The following SLC6A6 variants were observed in gnomAD, a reference collection of about 807,000 sequenced individuals.
SLC6A6 encodes sodium- and chloride-dependent taurine transporter.
A neutral mutation model predicts 68.8 loss-of-function variants in SLC6A6; 16 were observed. The observed-to-expected ratio is 0.23, with a 90% CI of 0.16 to 0.35. The LOEUF (loss-of-function observed/expected upper bound fraction) is 0.35. SLC6A6 is among the 10% of genes least tolerant of loss of function. The pLI is 1.00. For synonymous variants in SLC6A6, 312 were observed against 315.4 expected, an observed-to-expected ratio of 0.99 and a Z score of 0.12; for missense variants, 474 against 802.8, an observed-to-expected ratio of 0.59 and a Z score of 4.95.
chr3:14,420,426 A>G (rs1449398494), intron 2 of SLC6A6, among the ~76,000 whole-genome samples: 5 of 149,786 alleles, frequency 3.3e-5, no homozygotes, highest in Admixed American at 3.3e-4. Context: ...AGCAGTGTTT[A>G]TTTAATTAAT....
intron 3 of SLC6A6, among the ~76,000 whole-genome samples, chr3:14,445,425 GAAA>G (rs1209958569): frequency 5.8e-5 from 6 of 103,370 alleles, no homozygotes; most frequent in African/African-American, 1.1e-4. Flanking sequence ...CACCTCAAAA[GAAA>G]AAAAAAAAAG....
At chr3:14,478,648 A>C in intron 12 of SLC6A6, 80 bp downstream of exon 12, 2 of 888,438 alleles carry the variant, frequency 2.3e-6, no homozygotes, top group Non-Finnish European at 3.8e-6. Context: ...AGCAGAGAAT[A>C]CTAACAGAAA....
At chr3:14,437,480 T>C (rs925153444) in intron 2 of SLC6A6, among the ~76,000 whole-genome samples, 4 of 152,168 alleles carry the variant, frequency 2.6e-5, no homozygotes, top group Admixed American at 6.5e-5. Flanking sequence ...CTGGAAGTTT[T>C]AAAATTGATA....
rs1700953308 is a variant in SLC6A6, at chr3:14,479,238, A to G, written c.1551+53A>G. 5 of 1,091,718 alleles carry G rather than the reference A, an allele frequency of 4.6e-6. No homozygotes were observed. The Admixed American group carries it at 8.4e-5, about 18-fold the overall frequency. 67.6% of individuals were successfully genotyped at this position (1,091,718 alleles called of 1,614,324 possible). A position where few individuals can be genotyped will look rare whatever the true frequency, so the allele number is the denominator to read the frequency against. On this transcript the variant is annotated intron_variant, in intron 13 of 14. Coordinates refer to ENST00000622186, the MANE Select transcript of SLC6A6 (RefSeq NM_003043.6). ...GGTGGCCTCTTCTCCCTGGGGCTTG[A>G]CATTTTCACCCGCTAAACCATCTTT... is the stretch of plus-strand genomic sequence containing the variant.
At chr3:14,403,674 G>A (rs962058107) in intron 1 of SLC6A6, among the ~76,000 whole-genome samples, 2 of 152,242 alleles carry the variant, frequency 1.3e-5, no homozygotes, top group African/African-American at 4.8e-5. Context: ...CCAAGGGGTA[G>A]TGGACAGCCG....
chr3:14,468,227 G>A lies in SLC6A6; in HGVS notation c.1096+15G>A. ...GGCTGAGTCAGGTACGGTGGTATCGGTGGCAGTGGTGGTGGGCACTGCCAC... is the reference window on the plus strand; with the variant it reads ...GGCTGAGTCAGGTACGGTGGTATCGATGGCAGTGGTGGTGGGCACTGCCAC... On this transcript the variant is annotated intron_variant, in intron 9 of 14. Coordinates refer to ENST00000622186, the MANE Select transcript of SLC6A6 (RefSeq NM_003043.6). This position sits in a 1 kb window ranked among gnomAD's most constrained non-coding sequence, Gnocchi z 4.5. The A allele has an allele frequency of 6.2e-7, 1 of 1,610,032 alleles. No individual in the cohort carries two copies. Among genetic ancestry groups the A allele is most frequent in the South Asian group, 1.1e-5 (1 of 90,908 alleles).
Position 14,485,180 on chromosome 3 carries a change from C to A in SLC6A6, c.*173C>A. 3.1e-6 allele frequency: 1 copy of A among 322,924 alleles called. No individual in the cohort carries two copies. The highest frequency in any genetic ancestry group is 5.0e-6 in the Non-Finnish European group (1 of 199,854). 20.0% of individuals were successfully genotyped at this position (322,924 alleles called of 1,614,324 possible). ...CGTGCGTGTGTGTGTGTGTGTGTAT[C>A]GTGTGTGTGTGTTTTGTTTTGATTT... On this transcript the variant is annotated 3_prime_UTR_variant, in exon 15 of 15. Transcript: ENST00000622186.
intron 2 of SLC6A6, among the ~76,000 whole-genome samples, chr3:14,430,309 G>A (rs767169843): frequency 3.9e-5 from 6 of 152,144 alleles, no homozygotes; most frequent in Non-Finnish European, 7.3e-5. Context: ...GGCTAAGCAC[G>A]TGGGAGCAGA....
At chr3:14,448,115 T>G (rs937448349) in intron 5 of SLC6A6, 2 of 1,084,322 alleles carry the variant, frequency 1.8e-6, no homozygotes, top group Non-Finnish European at 2.4e-6. Context: ...TGCATACTTA[T>G]GTTGTCTAAA....
intron 2 of SLC6A6, among the ~76,000 whole-genome samples, chr3:14,423,466 T>C (rs929466417): frequency 5.9e-5 from 9 of 152,172 alleles, no homozygotes; most frequent in African/African-American, 2.2e-4. Flanking sequence ...AGGAAGCTGT[T>C]TGTGACTGTG....
Position 14,468,001 on chromosome 3 carries a change from T to A in SLC6A6, c.971+45T>A. The stretch of plus-strand genomic sequence containing the variant: ...GCCTGGTGGACTTTAGAAATGATGA[T>A]GATGATGTTTAAAGAAAAAGAGAAG... On this transcript the variant is annotated intron_variant, in intron 8 of 14. Coordinates refer to ENST00000622186, the MANE Select transcript of SLC6A6 (RefSeq NM_003043.6). The surrounding 1 kb of genome is among the most constrained non-coding windows in gnomAD (Gnocchi z 4.5). 2 of 1,608,508 alleles carry A rather than the reference T, an allele frequency of 1.2e-6. No individual in the cohort carries two copies. Among genetic ancestry groups the A allele is most frequent in the Non-Finnish European group, 1.7e-6 (2 of 1,175,334 alleles).
chr3:14,449,837 C>T (rs959586714), intron 5 of SLC6A6, among the ~76,000 whole-genome samples: 10 of 152,014 alleles, frequency 6.6e-5, no homozygotes, highest in Non-Finnish European at 1.3e-4. Context: ...CTGCAACCTC[C>T]GACTCCCTGG....
At chr3:14,445,026 C>T (rs1700081447) in intron 3 of SLC6A6, among the ~76,000 whole-genome samples, 1 of 148,130 alleles carries the variant, frequency 6.8e-6, no homozygotes, top group African/African-American at 2.6e-5. Context: ...GTGAAGGCCC[C>T]AACAAAGAGG....
At position 14,467,845 on chromosome 3, in the gene SLC6A6, C is replaced by G. The variant is rs1052663147; in HGVS notation, c.868-8C>G. ...TCTCTTTCCTTGCCACCTCCCTCCC[C>G]CTCATAGGTGTGGATTGACGCTGGG... On this transcript the variant is annotated splice_polypyrimidine_tract_variant and splice_region_variant and intron_variant, in intron 7 of 14. Transcript: ENST00000622186. The G allele has an allele frequency of 1.5e-5, 24 of 1,586,964 alleles. No homozygotes were observed. Among genetic ancestry groups the G allele is most frequent in the East Asian group, 6.7e-5 (3 of 44,756 alleles).
Position 14,410,243 on chromosome 3 carries a change from G to A in SLC6A6, c.-53-6169G>A, listed in dbSNP as rs190071859. ...CTCCCTGTGCTCCCCCCTCCCAGCC[G>A]CACCCATCATTCATTGCTTGTGTGA... On this transcript the variant is annotated intron_variant, in intron 1 of 14. Transcript: ENST00000622186. Among the ~76,000 whole-genome samples the A allele has an allele frequency of 3.6e-3, 520 of 144,484 alleles. 2 individuals are homozygous for A. Among genetic ancestry groups the A allele is most frequent in the Non-Finnish European group, 5.7e-3 (376 of 65,982 alleles). The allele number at this position is 144,484 out of a possible 152,430, so 94.8% of individuals were successfully genotyped here. A position where few individuals can be genotyped will look rare whatever the true frequency, so the allele number is the denominator to read the frequency against.
rs1701015617 is a variant in SLC6A6, at chr3:14,481,836, C to T, written c.1717C>T (p.Leu573Phe). 3.1e-6 allele frequency: 5 copies of T among 1,613,752 alleles called. No individual in the cohort carries two copies. Among genetic ancestry groups the T allele is most frequent in the Non-Finnish European group, 3.4e-6 (4 of 1,179,786 alleles). ...CCTCTGCCAGACTGAGGGGCCGTTC[C>T]TTGTGGTAAGTGCTTGGGCCCAGGG... The part of the protein sequence containing the change: ...IRLCQTEGPF[L>F]VRVKYLLTPR... Residue 573 changes from leucine to phenylalanine, a missense_variant, in exon 14 of 15, where the codon CTT becomes TTT. Coordinates refer to ENST00000622186, the MANE Select transcript of SLC6A6 (RefSeq NM_003043.6). The surrounding 1 kb of genome is among the most constrained non-coding windows in gnomAD (Gnocchi z 4.7).
At chr3:14,454,836 A>G (rs2124962616) in intron 5 of SLC6A6, among the ~76,000 whole-genome samples, 1 of 152,318 alleles carries the variant, frequency 6.6e-6, no homozygotes, top group East Asian at 1.9e-4. Flanking sequence ...GTATTCAAGT[A>G]CAAATGTGTC....
chr3:14,445,641 T>C, intron 3 of SLC6A6, 76 bp from the exon 4 acceptor site: 1 of 1,531,452 alleles, frequency 6.5e-7, no homozygotes. Flanking sequence ...TTCCATTGGC[T>C]GGGAGGGCTT....
At chr3:14,444,206 G>A (rs571965683) in intron 3 of SLC6A6, 41 of 252,776 alleles carry the variant, frequency 1.6e-4, no homozygotes, top group South Asian at 1.2e-3. Flanking sequence ...TTATCTGTCC[G>A]CCATATCTAC....
Sources: allele counts gnomAD v4.1 joint callset (sites outside exome capture counted in the v4.1 genomes callset), GRCh38; gene constraint gnomAD v4.1.1; non-coding constraint Gnocchi (gnomAD v3.1); transcripts MANE v1.5; gene names NCBI Gene and HGNC (gene_info 2026-07-23, HGNC 2026-07-21).